The following DLGAP1 variants were observed in gnomAD, a reference collection of about 807,000 sequenced individuals.
The protein encoded by DLGAP1 is DLG associated protein 1, also known as disks large-associated protein 1.
DLGAP1 carries 11 observed loss-of-function variants against 90.8 expected under a neutral mutation model. The observed-to-expected ratio is 0.12, with a 90% CI of 0.08 to 0.20. The LOEUF is 0.20. DLGAP1 is among the 10% of genes least tolerant of loss of function. DLGAP1 has a pLI of 1.00. For missense variants in DLGAP1, 1,050 were observed against 1,333.8 expected (o/e 0.79, Z 3.31); for synonymous variants, 558 against 540.7 (o/e 1.03, Z -0.44).
intron 7 of DLGAP1, among the ~76,000 whole-genome samples, chr18:3,616,668 T>A (rs576614253): frequency 6.6e-6 from 1 of 151,288 alleles, no homozygotes; most frequent in African/African-American, 2.4e-5. Flanking sequence ...GGTTGGAGGA[T>A]CACTTGAGCC....
At position 3,879,007 on chromosome 18, in the gene DLGAP1, C is replaced by G. The variant is rs1366662695; in HGVS notation, c.957+105G>C. On this transcript the variant is annotated intron_variant, in intron 4 of 12. Coordinates refer to ENST00000315677, the MANE Select transcript of DLGAP1 (RefSeq NM_004746.4). This position sits in a 1 kb window ranked among gnomAD's most constrained non-coding sequence, Gnocchi z 6.6. ...CCGAATAATTTGCACAGGTTCCTAT[C>G]TTAATAGACAATTCAGAGTAGTGCC... 3 of 985,878 alleles carry G rather than the reference C, an allele frequency of 3.0e-6. No homozygotes were observed. The Admixed American group carries it at 8.5e-5, about 28-fold the overall frequency. The allele number at this position is 985,878 out of a possible 1,614,324, so 61.1% of individuals were successfully genotyped here.
chr18:4,015,890 C>T (rs7243055), intron 2 of DLGAP1, among the ~76,000 whole-genome samples: 109,185 of 152,186 alleles, frequency 0.72, 39,801 homozygotes, highest in African/African-American at 0.84. Flanking sequence ...ACAATTCTTA[C>T]AAGCCACTCC....
chr18:3,772,121 TTTCTTTTC>T (rs1467341855), intron 5 of DLGAP1, among the ~76,000 whole-genome samples: 1 of 135,986 alleles, frequency 7.4e-6, no homozygotes, highest in East Asian at 1.9e-4. Flanking sequence ...CTTTCCTTTC[TTTCTTTTC>T]TTTTCTTTCT....
chr18:3,697,838 T>TAAG (rs2061146138), intron 7 of DLGAP1, among the ~76,000 whole-genome samples: 1 of 152,214 alleles, frequency 6.6e-6, no homozygotes, highest in Admixed American at 6.5e-5. Flanking sequence ...TGTAGGTCTC[T>TAAG]AAGAACTTGC....
At chr18:3,934,245 T>C (rs1214031149) in intron 3 of DLGAP1, among the ~76,000 whole-genome samples, 1 of 152,172 alleles carries the variant, frequency 6.6e-6, no homozygotes, top group Non-Finnish European at 1.5e-5. Context: ...GATGTGAATT[T>C]CCCTAAAGGT....
At chr18:4,286,472 T>G (rs2079694537) in intron 1 of DLGAP1, among the ~76,000 whole-genome samples, 1 of 152,080 alleles carries the variant, frequency 6.6e-6, no homozygotes, top group Non-Finnish European at 1.5e-5. Flanking sequence ...GCTGAGGGTC[T>G]GGGAGGAAGC....
chr18:3,932,631 G>A (rs780728189), intron 3 of DLGAP1, among the ~76,000 whole-genome samples: 118 of 152,272 alleles, frequency 7.7e-4, no homozygotes, highest in Non-Finnish European at 1.4e-3. Context: ...ACATTTGGAG[G>A]AGTCCGGCCT....
chr18:3,808,013 CAT>C (rs1256641198), intron 5 of DLGAP1, among the ~76,000 whole-genome samples: 2 of 152,186 alleles, frequency 1.3e-5, no homozygotes, highest in African/African-American at 2.4e-5. Flanking sequence ...ATGCCCACAT[CAT>C]TTGGAGGAGG....
intron 2 of DLGAP1, among the ~76,000 whole-genome samples, chr18:4,048,475 C>T (rs2075087547): frequency 6.6e-6 from 1 of 152,142 alleles, no homozygotes; most frequent in Non-Finnish European, 1.5e-5. Flanking sequence ...TCAGAAGTGG[C>T]ATTTTCTTGA....
intron 1 of DLGAP1, among the ~76,000 whole-genome samples, chr18:4,439,529 G>A (rs1177240903): frequency 1.3e-5 from 2 of 152,158 alleles, no homozygotes; most frequent in Non-Finnish European, 2.9e-5. Context: ...CATTATGCTG[G>A]GTGCAGTGGC....
chr18:4,026,444 T>C (rs1243966323), intron 2 of DLGAP1, among the ~76,000 whole-genome samples: 11 of 152,158 alleles, frequency 7.2e-5, no homozygotes, highest in Admixed American at 7.2e-4. Flanking sequence ...CAGGGTGGAA[T>C]ACTTAAAACT....
intron 5 of DLGAP1, among the ~76,000 whole-genome samples, chr18:3,772,210 T>TTCTC (rs1555662680): frequency 1.3e-5 from 2 of 148,306 alleles, no homozygotes; most frequent in Non-Finnish European, 3.0e-5. Flanking sequence ...TTCTCTCCTT[T>TTCTC]TCTTTCTCTC....
chr18:4,161,246 C>A (rs1268328138), intron 1 of DLGAP1, among the ~76,000 whole-genome samples: 1 of 152,044 alleles, frequency 6.6e-6, no homozygotes, highest in South Asian at 2.1e-4. Context: ...CCACCTTTCC[C>A]CAGGACAGAC....
At chr18:4,453,746 G>A (rs1337157286) in intron 1 of DLGAP1, among the ~76,000 whole-genome samples, 1 of 152,124 alleles carries the variant, frequency 6.6e-6, no homozygotes, top group African/African-American at 2.4e-5. Context: ...TTTATTATAT[G>A]TCTTTCCTCG....
intron 5 of DLGAP1, among the ~76,000 whole-genome samples, chr18:3,756,473 T>C (rs1287264976): frequency 3.3e-5 from 5 of 152,100 alleles, no homozygotes; most frequent in Non-Finnish European, 5.9e-5. Context: ...GTTAAAACAG[T>C]AGTTACAGGA....
At chr18:4,005,825 C>T (rs1370906510) in intron 2 of DLGAP1, among the ~76,000 whole-genome samples, 2 of 152,228 alleles carry the variant, frequency 1.3e-5, no homozygotes, top group Non-Finnish European at 2.9e-5. Context: ...CAGTAGTTCT[C>T]AACCTTGGTT....
chr18:3,846,110 T>C lies in DLGAP1; in HGVS notation c.958-31837A>G, dbSNP rs558862400. Among the ~76,000 whole-genome samples the C allele has an allele frequency of 4.9e-4, 74 of 150,506 alleles. No homozygotes were observed. The East Asian group carries it at 0.014, about 28-fold the overall frequency. On this transcript the variant is annotated intron_variant, in intron 4 of 12. Transcript: ENST00000315677. ...ATTTCGGGATGGGGCAAAGGAACTG[T>C]TGCAGCGTCCTCTTCCAAGTATTTC...
intron 7 of DLGAP1, among the ~76,000 whole-genome samples, chr18:3,639,446 G>C (rs2058844524): frequency 6.6e-6 from 1 of 151,860 alleles, no homozygotes; most frequent in Non-Finnish European, 1.5e-5. Flanking sequence ...GCTATTAGCA[G>C]CGTCCAGAGG....
rs115248887 is a variant in DLGAP1 at position 3,564,026 on chromosome 18, A to G, written c.2057+3464T>C. Among the ~76,000 whole-genome samples, 581 of 152,184 alleles carry G rather than the reference A, an allele frequency of 3.8e-3. 4 individuals carry two copies. The highest frequency in any genetic ancestry group is 0.013 in the African/African-American group (522 of 41,530). Reference sequence around the variant, plus strand: ...GCATATTAATCATAATTAGAAAAAAATCTTGGCCCGGTAATTCCAACATTC... The same window carrying G: ...GCATATTAATCATAATTAGAAAAAAGTCTTGGCCCGGTAATTCCAACATTC... On this transcript the variant is annotated intron_variant, in intron 9 of 12. Coordinates refer to ENST00000315677, the MANE Select transcript of DLGAP1 (RefSeq NM_004746.4).
Sources: gnomAD v4.1 joint callset for allele counts (sites outside exome capture counted in the v4.1 genomes callset) on GRCh38, gnomAD v4.1.1 for gene constraint, Gnocchi (gnomAD v3.1) non-coding constraint, MANE v1.5 for transcripts, NCBI Gene and HGNC (gene_info 2026-07-23, HGNC 2026-07-21) for gene names.